Variants in TMEM229A observed in about 807,000 individuals in gnomAD.
The protein encoded by TMEM229A is transmembrane protein 229A.
Under a neutral mutation model 30.0 loss-of-function variants are expected in TMEM229A, and 23 were observed. The ratio of observed to expected loss-of-function variants is 0.77; its 90% CI spans 0.55 to 1.09. The LOEUF (loss-of-function observed/expected upper bound fraction) is 1.09. Ranked by LOEUF, TMEM229A falls within the 50% of genes least tolerant of loss-of-function variation. The pLI is 0.00. For synonymous variants in TMEM229A, 264 were observed against 241.5 expected, an observed-to-expected ratio of 1.09 and a Z score of -0.86; for missense variants, 534 against 525.9, an observed-to-expected ratio of 1.02 and a Z score of -0.15.
Position 124,032,823 on chromosome 7 carries a change from C to G in TMEM229A, c.181G>C (p.Gly61Arg). ...ACGTCCAGGGTGATCCCGTGCATCC[C>G]GTAGAAGTAGAGGCGCATCCAGGCG... ...LPAWMRLYFY[G>R]MHGITLDVLV... Residue 61 changes from glycine (G) to arginine (R), a missense_variant, in exon 1 of 1, where the codon GGG becomes CGG. Coordinates refer to ENST00000455783, the MANE Select transcript of TMEM229A (RefSeq NM_001136002.2). The surrounding 1 kb of genome is among the most constrained non-coding windows in gnomAD (Gnocchi z 6.6). 2.6e-6 allele frequency: 4 copies of G among 1,549,358 alleles called. No individual in the cohort carries two copies. The highest frequency in any genetic ancestry group is 1.4e-5 in the African/African-American group (1 of 73,030).
At position 124,032,613 on chromosome 7, in the gene TMEM229A, C is replaced by T. The variant is rs1271533457; in HGVS notation, c.391G>A (p.Gly131Arg). The change falls in exon 1 of 1, where the codon GGG (glycine) becomes AGG (arginine). Residue 131 changes from glycine (G) to arginine (R), a missense_variant. Coordinates refer to ENST00000455783, the MANE Select transcript of TMEM229A (RefSeq NM_001136002.2). This position sits in a 1 kb window ranked among gnomAD's most constrained non-coding sequence, Gnocchi z 6.6. ...GCCTGGCCCGCTAGGGTCTGCAGCC[C>T]CACGTGGGCCGAGGGGTAGAGGAGG... is the stretch of plus-strand genomic sequence containing the variant. Reference protein sequence around the residue: ...NFLLYPSAHVGLQTLAGQALL... With the variant: ...NFLLYPSAHVRLQTLAGQALL... The T allele has an allele frequency of 1.3e-6, 2 of 1,550,922 alleles. No individual in the cohort carries two copies. The highest frequency in any genetic ancestry group is 2.0e-5 in the Admixed American group (1 of 50,958).
Position 124,032,386 on chromosome 7 carries a change from G to A in TMEM229A, c.618C>T (p.Pro206=), listed in dbSNP as rs562370439. ...TAGGGACCCGGGCGCCGGGAGGGAC[G>A]GGGAGCGCGCCCCTCCGCTGCTGCT... ...QQQQQRRGAL[P]VPPGARVPTA... Residue 206 remains proline, a synonymous_variant, in exon 1 of 1, where the codon CCC becomes CCT. Coordinates refer to ENST00000455783, the MANE Select transcript of TMEM229A (RefSeq NM_001136002.2). This position sits in a 1 kb window ranked among gnomAD's most constrained non-coding sequence, Gnocchi z 6.6. 6.5e-6 allele frequency: 10 copies of A among 1,541,846 alleles called. No homozygotes were observed. The South Asian group carries it at 7.2e-5, about 11-fold the overall frequency.
rs1793127804 is a variant in TMEM229A at position 124,031,072 on chromosome 7, T to A, written c.*789A>T. 6.6e-6 allele frequency: 1 copy of A among 152,228 alleles called. No homozygotes were observed. The highest frequency in any genetic ancestry group is 1.5e-5 in the Non-Finnish European group (1 of 68,044). 9.4% of individuals were successfully genotyped at this position (152,228 alleles called of 1,614,324 possible). A position where few individuals can be genotyped will look rare whatever the true frequency, so the allele number is the denominator to read the frequency against. On this transcript the variant is annotated 3_prime_UTR_variant, in exon 1 of 1. Coordinates refer to ENST00000455783, the MANE Select transcript of TMEM229A (RefSeq NM_001136002.2). The surrounding 1 kb of genome is among the most constrained non-coding windows in gnomAD (Gnocchi z 4.1). ...ATGTAAGGTAAACATTTTACATTAT[T>A]GCACAGTAACAAAAATTTACAGCCA... is the stretch of plus-strand genomic sequence containing the variant.
In TMEM229A at chr7:124,032,330, C is replaced by T. The variant is rs1008318038; in HGVS notation, c.674G>A (p.Arg225His). The change falls in exon 1 of 1, where the codon CGT (arginine) becomes CAT (histidine). Residue 225 changes from arginine (R) to histidine (H), a missense_variant. Coordinates refer to ENST00000455783, the MANE Select transcript of TMEM229A (RefSeq NM_001136002.2). The surrounding 1 kb of genome is among the most constrained non-coding windows in gnomAD (Gnocchi z 6.6). ...TAAGARRRRPRGPRGAGGAPS... is the reference protein window; with the variant it reads ...TAAGARRRRPHGPRGAGGAPS... ...GGCTCCCCCGGCGCCCCTGGGGCCA[C>T]GGGGTCGTCGCCGCCGGGCTCCGGC... The T allele has an allele frequency of 9.7e-6, 15 of 1,544,416 alleles. No homozygotes were observed. In the African/African-American group the frequency reaches 1.8e-4, roughly 18 times the overall value.
chr7:124,033,059 C>T lies in TMEM229A; in HGVS notation c.-56G>A, dbSNP rs1479126336. 1.7e-6 allele frequency: 2 copies of T among 1,169,670 alleles called. No individual in the cohort carries two copies. Among genetic ancestry groups the T allele is most frequent in the Non-Finnish European group, 2.1e-6 (2 of 948,988 alleles). The allele number at this position is 1,169,670 out of a possible 1,614,324, so 72.5% of individuals were successfully genotyped here. Reference sequence around the variant, plus strand: ...TGCACCGCCGCCGCTGCCGGGTGCGCGGAGCTGCAGGGCCGAGCGGCCGAG... The same window carrying T: ...TGCACCGCCGCCGCTGCCGGGTGCGTGGAGCTGCAGGGCCGAGCGGCCGAG... On this transcript the variant is annotated 5_prime_UTR_variant, in exon 1 of 1. Coordinates refer to ENST00000455783, the MANE Select transcript of TMEM229A (RefSeq NM_001136002.2).
chr7:124,031,946 T>C lies in TMEM229A; in HGVS notation c.1058A>G (p.Tyr353Cys). 1 of 1,551,620 alleles carries C rather than the reference T, an allele frequency of 6.4e-7. No homozygotes were observed. Among genetic ancestry groups the C allele is most frequent in the Non-Finnish European group, 8.7e-7 (1 of 1,146,982 alleles). The change falls in exon 1 of 1, where the codon TAT (tyrosine) becomes TGT (cysteine). Residue 353 changes from tyrosine (Y) to cysteine (C), a missense_variant. Transcript: ENST00000455783. The surrounding 1 kb of genome is among the most constrained non-coding windows in gnomAD (Gnocchi z 4.1). ...LNFMGLITLM[Y>C]LPGWIFLSVY... ...ACTAAGGAATATCCAGCCAGGTAAA[T>C]ACATCAGGGTGATGAGGCCCATAAA...
chr7:124,032,771 G>A lies in TMEM229A; in HGVS notation c.233C>T (p.Ala78Val). Residue 78 changes from alanine to valine, a missense_variant, in exon 1 of 1, where the codon GCC becomes GTC. Physicochemically the swap from Ala to Val is moderately conservative, Grantham distance 64. Coordinates refer to ENST00000455783, the MANE Select transcript of TMEM229A (RefSeq NM_001136002.2). The surrounding 1 kb of genome is among the most constrained non-coding windows in gnomAD (Gnocchi z 6.6). ...DVLVSSARRF[A>V]RSPDLRMLGF... is the part of the protein sequence containing the mutation. ...TAGCATCCGCAGGTCCGGGCTGCGG[G>A]CGAAGCGCCGGGCCGAGGACACCAG... 1 of 1,551,228 alleles carries A rather than the reference G, an allele frequency of 6.4e-7. No individual in the cohort carries two copies. The highest frequency in any genetic ancestry group is 8.7e-7 in the Non-Finnish European group (1 of 1,146,856).
At position 124,033,043 on chromosome 7, in the gene TMEM229A, G is replaced by A; in HGVS notation, c.-40C>T. ...TCCGAACGCCCGAGGCTGCACCGCC[G>A]CCGCTGCCGGGTGCGCGGAGCTGCA... is the stretch of plus-strand genomic sequence containing the variant. On this transcript the variant is annotated 5_prime_UTR_variant, in exon 1 of 1. Transcript: ENST00000455783. The A allele has an allele frequency of 8.4e-7, 1 of 1,193,692 alleles. No homozygotes were observed. Among genetic ancestry groups the A allele is most frequent in the Non-Finnish European group, 1.0e-6 (1 of 964,604 alleles). The allele number at this position is 1,193,692 out of a possible 1,614,324, so 73.9% of individuals were successfully genotyped here. A position where few individuals can be genotyped will look rare whatever the true frequency, so the allele number is the denominator to read the frequency against.
In TMEM229A at chr7:124,032,922, C is replaced by T. The variant is rs1384163324; in HGVS notation, c.82G>A (p.Gly28Arg). The change falls in exon 1 of 1, where the codon GGA (glycine) becomes AGA (arginine). Residue 28 changes from glycine (G) to arginine (R), a missense_variant. Physicochemically the swap from Gly to Arg is moderately radical, Grantham distance 125. Transcript: ENST00000455783. This position sits in a 1 kb window ranked among gnomAD's most constrained non-coding sequence, Gnocchi z 6.6. Reference sequence around the variant, plus strand: ...GGGCAGCCGGCTGCCGCCTCGCTTCCTGGCCCGCCAGGGGCCCCCGGACGC... The same window carrying T: ...GGGCAGCCGGCTGCCGCCTCGCTTCTTGGCCCGCCAGGGGCCCCCGGACGC... ...ARRPGAPGGP[G>R]SEAAAGCPEP... The T allele has an allele frequency of 1.5e-6, 2 of 1,378,342 alleles. No individual in the cohort carries two copies. The highest frequency in any genetic ancestry group is 3.0e-5 in the African/African-American group (2 of 65,694). 85.4% of individuals were successfully genotyped at this position (1,378,342 alleles called of 1,614,324 possible).
In TMEM229A at chr7:124,032,733, G is replaced by A. The variant is rs1793154450; in HGVS notation, c.271C>T (p.Pro91Ser). 1.3e-6 allele frequency: 2 copies of A among 1,551,436 alleles called. No individual in the cohort carries two copies. The highest frequency in any genetic ancestry group is 1.7e-6 in the Non-Finnish European group (2 of 1,146,894). ...AGCGAGTGCAGCAGGCAGCGGTAGG[G>A]CGAGGAGAAGCCTAGCATCCGCAGG... ...PDLRMLGFSS[P>S]YRCLLHSLTH... The change falls in exon 1 of 1, where the codon CCC (proline) becomes TCC (serine). Residue 91 changes from proline (P) to serine (S), a missense_variant. Pro to Ser is a moderately conservative substitution (Grantham distance 74). Coordinates refer to ENST00000455783, the MANE Select transcript of TMEM229A (RefSeq NM_001136002.2). This position sits in a 1 kb window ranked among gnomAD's most constrained non-coding sequence, Gnocchi z 6.6.
At position 124,031,711 on chromosome 7, in the gene TMEM229A, A is replaced by C. The variant is rs1402915982; in HGVS notation, c.*150T>G. The C allele has an allele frequency of 2.6e-6, 2 of 778,364 alleles. No individual in the cohort carries two copies. The highest frequency in any genetic ancestry group is 3.5e-5 in the African/African-American group (2 of 57,116). The allele number at this position is 778,364 out of a possible 1,614,324, so 48.2% of individuals were successfully genotyped here. On this transcript the variant is annotated 3_prime_UTR_variant, in exon 1 of 1. Transcript: ENST00000455783. The surrounding 1 kb of genome is among the most constrained non-coding windows in gnomAD (Gnocchi z 4.1). ...ACGGGTTTCAAATAGAAAAACTAAA[A>C]GGTGGAATAAAACAATTTGGAAGAG...
chr7:124,031,897 G>A lies in TMEM229A; in HGVS notation c.1107C>T (p.Asn369=), dbSNP rs769312335. Reference sequence around the variant, plus strand: ...GTACGTACTGCACCCTCCACAACACGTTGGAAATTAGGTCCTGGTACACAC... The same window carrying A: ...GTACGTACTGCACCCTCCACAACACATTGGAAATTAGGTCCTGGTACACAC... ...FLSVYQDLIS[N]VLWRVQYVPA... Residue 369 remains asparagine (N), a synonymous_variant, in exon 1 of 1, where the codon AAC becomes AAT. Coordinates refer to ENST00000455783, the MANE Select transcript of TMEM229A (RefSeq NM_001136002.2). This position sits in a 1 kb window ranked among gnomAD's most constrained non-coding sequence, Gnocchi z 4.1. 19 of 1,551,404 alleles carry A rather than the reference G, an allele frequency of 1.2e-5. No individual in the cohort carries two copies. In the East Asian group the frequency reaches 2.9e-4, roughly 24 times the overall value.
Position 124,032,761 on chromosome 7 carries a change from C to T in TMEM229A, c.243G>A (p.Pro81=), listed in dbSNP as rs1793154862. 2 of 1,551,176 alleles carry T rather than the reference C, an allele frequency of 1.3e-6. No homozygotes were observed. Among genetic ancestry groups the T allele is most frequent in the African/African-American group, 2.7e-5 (2 of 73,050 alleles). ...AGGAGAAGCCTAGCATCCGCAGGTC[C>T]GGGCTGCGGGCGAAGCGCCGGGCCG... ...VSSARRFARS[P]DLRMLGFSSP... Residue 81 remains proline, a synonymous_variant, in exon 1 of 1, where the codon CCG becomes CCA. Coordinates refer to ENST00000455783, the MANE Select transcript of TMEM229A (RefSeq NM_001136002.2). This position sits in a 1 kb window ranked among gnomAD's most constrained non-coding sequence, Gnocchi z 6.6.
At position 124,032,399 on chromosome 7, in the gene TMEM229A, C is replaced by A; in HGVS notation, c.605G>T (p.Arg202Met). The change falls in exon 1 of 1, where the codon AGG (arginine) becomes ATG (methionine). Residue 202 changes from arginine to methionine, a missense_variant. Coordinates refer to ENST00000455783, the MANE Select transcript of TMEM229A (RefSeq NM_001136002.2). This position sits in a 1 kb window ranked among gnomAD's most constrained non-coding sequence, Gnocchi z 6.6. ...QQQQQQQQQR[R>M]GALPVPPGAR... ...GCCGGGAGGGACGGGGAGCGCGCCC[C>A]TCCGCTGCTGCTGCTGCTGCTGCTG... The A allele has an allele frequency of 6.5e-7, 1 of 1,537,610 alleles. No individual in the cohort carries two copies.
Position 124,032,596 on chromosome 7 carries a change from C to G in TMEM229A, c.408G>C (p.Ala136=), listed in dbSNP as rs747377097. ...CCAGGCTGAGTAGTAGCGCCTGGCC[C>G]GCTAGGGTCTGCAGCCCCACGTGGG... ...PSAHVGLQTL[A]GQALLLSLGG... Residue 136 remains alanine, a synonymous_variant, in exon 1 of 1, where the codon GCG becomes GCC. Transcript: ENST00000455783. The surrounding 1 kb of genome is among the most constrained non-coding windows in gnomAD (Gnocchi z 6.6). The G allele has an allele frequency of 3.2e-6, 5 of 1,550,532 alleles. No individual in the cohort carries two copies. The highest frequency in any genetic ancestry group is 2.0e-5 in the Admixed American group (1 of 50,946).
rs547864346 is a variant in TMEM229A, at chr7:124,031,458, A to C, written c.*403T>G. On this transcript the variant is annotated 3_prime_UTR_variant, in exon 1 of 1. Transcript: ENST00000455783. This position sits in a 1 kb window ranked among gnomAD's most constrained non-coding sequence, Gnocchi z 4.1. ...AGAAAATTTAGCCAAATCTTGTAAA[A>C]ATCACTGGTCTCTGATTTAAAGATC... 1.3e-5 allele frequency: 2 copies of C among 156,200 alleles called. No homozygotes were observed. The highest frequency in any genetic ancestry group is 4.9e-5 in the African/African-American group (2 of 41,082). 9.7% of individuals were successfully genotyped at this position (156,200 alleles called of 1,614,324 possible).
In TMEM229A at chr7:124,032,173, C is replaced by T. The variant is rs1430104523; in HGVS notation, c.831G>A (p.Ser277=). The T allele has an allele frequency of 6.4e-7, 1 of 1,551,840 alleles. No individual in the cohort carries two copies. Residue 277 remains serine, a synonymous_variant, in exon 1 of 1, where the codon TCG becomes TCA. Transcript: ENST00000455783. The surrounding 1 kb of genome is among the most constrained non-coding windows in gnomAD (Gnocchi z 6.6). ...QGDGTTSGHT[S]LWSFFMYGSC... ...TGCCGTACATAAAGAAGGACCAGAGCGACGTGTGGCCGCTGGTTGTCCCGT... is the reference window on the plus strand; with the variant it reads ...TGCCGTACATAAAGAAGGACCAGAGTGACGTGTGGCCGCTGGTTGTCCCGT...
In TMEM229A at chr7:124,031,698, T is replaced by C. The variant is rs760741683; in HGVS notation, c.*163A>G. 6 of 707,256 alleles carry C rather than the reference T, an allele frequency of 8.5e-6. No individual in the cohort carries two copies. The highest frequency in any genetic ancestry group is 3.2e-5 in the Admixed American group (1 of 31,406). The allele number at this position is 707,256 out of a possible 1,614,324, so 43.8% of individuals were successfully genotyped here. A position where few individuals can be genotyped will look rare whatever the true frequency, so the allele number is the denominator to read the frequency against. Reference sequence around the variant, plus strand: ...AAGTATATTATACACGGGTTTCAAATAGAAAAACTAAAAGGTGGAATAAAA... The same window carrying C: ...AAGTATATTATACACGGGTTTCAAACAGAAAAACTAAAAGGTGGAATAAAA... On this transcript the variant is annotated 3_prime_UTR_variant, in exon 1 of 1. Transcript: ENST00000455783. The surrounding 1 kb of genome is among the most constrained non-coding windows in gnomAD (Gnocchi z 4.1).
At position 124,032,029 on chromosome 7, in the gene TMEM229A, A is replaced by T; in HGVS notation, c.975T>A (p.Gly325=). Residue 325 remains glycine (G), a synonymous_variant, in exon 1 of 1, where the codon GGT becomes GGA. Transcript: ENST00000455783. The surrounding 1 kb of genome is among the most constrained non-coding windows in gnomAD (Gnocchi z 6.6). ...IFIYVWELSW[G]LGLRTCGACS... is the part of the protein sequence containing the mutation. Reference sequence around the variant, plus strand: ...AAGCCCCGCACGTGCGGAGTCCCAGACCCCAGGACAGCTCCCACACGTAGA... The same window carrying T: ...AAGCCCCGCACGTGCGGAGTCCCAGTCCCCAGGACAGCTCCCACACGTAGA... The T allele has an allele frequency of 2.6e-6, 4 of 1,551,572 alleles. No homozygotes were observed. The highest frequency in any genetic ancestry group is 3.5e-6 in the Non-Finnish European group (4 of 1,146,962).
Sources: gnomAD v4.1 joint callset for allele counts on GRCh38, gnomAD v4.1.1 for gene constraint, Gnocchi (gnomAD v3.1) non-coding constraint, MANE v1.5 for transcripts, NCBI Gene and HGNC (gene_info 2026-07-23, HGNC 2026-07-21) for gene names.